The following SPATA6L variants were observed in gnomAD, a reference collection of about 807,000 sequenced individuals.
The protein encoded by SPATA6L is spermatogenesis associated 6-like protein.
SPATA6L carries 68 observed loss-of-function variants against 49.2 expected under a neutral mutation model. The ratio of observed to expected loss-of-function variants is 1.38; its 90% confidence interval spans 1.14 to 1.69. The LOEUF (loss-of-function observed/expected upper bound fraction) is 1.69, where lower values mean the gene tolerates loss of function less well. Among genes scored for constraint, SPATA6L ranks in the 40% most tolerant of loss-of-function variants. The pLI, the probability that SPATA6L is intolerant of heterozygous loss-of-function variation, is 0.00. For synonymous variants in SPATA6L, 198 were observed against 165.7 expected, an observed-to-expected ratio of 1.19 and a Z score of -1.50; for missense variants, 668 against 464.3, an observed-to-expected ratio of 1.44 and a Z score of -4.03.
intron 3 of SPATA6L, among the ~76,000 whole-genome samples, chr9:4,652,930 A>C (rs1208180139): frequency 6.6e-6 from 1 of 152,180 alleles, no homozygotes; most frequent in Non-Finnish European, 1.5e-5. Flanking sequence ...AAATATTGTT[A>C]AGGTGACAAT....
At chr9:4,648,023 T>C (rs373640502) in intron 3 of SPATA6L, among the ~76,000 whole-genome samples, 57 of 152,178 alleles carry the variant, frequency 3.7e-4, no homozygotes, top group African/African-American at 1.3e-3. Context: ...TTAGTTGAGA[T>C]GGAGTTTCGC....
At chr9:4,616,148 G>A (rs982909896) in intron 9 of SPATA6L, among the ~76,000 whole-genome samples, 11 of 152,068 alleles carry the variant, frequency 7.2e-5, no homozygotes, top group Non-Finnish European at 1.2e-4. Context: ...ATGCCGGTGC[G>A]CACCTGCAGT....
At chr9:4,596,695 G>T (rs1008810032), downstream of SPATA6L, among the ~76,000 whole-genome samples, 1 of 152,182 alleles carries the variant, frequency 6.6e-6, no homozygotes. Flanking sequence ...CTTCTGTCAA[G>T]AGACCTTAGT....
chr9:4,634,233 C>T (rs1448616150), intron 4 of SPATA6L, among the ~76,000 whole-genome samples: 1 of 152,136 alleles, frequency 6.6e-6, no homozygotes, highest in African/African-American at 2.4e-5. Flanking sequence ...TTTTTAACCC[C>T]TTTTATCTTC....
At chr9:4,628,942 T>C in intron 5 of SPATA6L, 149 bp downstream of exon 5, 1 of 623,620 alleles carries the variant, frequency 1.6e-6, no homozygotes, top group Non-Finnish European at 2.8e-6. Flanking sequence ...ACAGTTTGAA[T>C]TATAGAAATA....
At chr9:4,663,270 C>G (rs751215578) in intron 1 of SPATA6L, 10 of 1,608,390 alleles carry the variant, frequency 6.2e-6, no homozygotes, top group African/African-American at 2.7e-5. Flanking sequence ...ATGACACCAT[C>G]TCATTGATTA....
At chr9:4,654,169 T>A (rs1486746910) in intron 3 of SPATA6L, among the ~76,000 whole-genome samples, 1 of 152,200 alleles carries the variant, frequency 6.6e-6, no homozygotes, top group Non-Finnish European at 1.5e-5. Context: ...GGCCAGGATG[T>A]GGGAAAATGG....
chr9:4,657,007 G>C (rs1442590054), intron 2 of SPATA6L, among the ~76,000 whole-genome samples: 2 of 152,182 alleles, frequency 1.3e-5, no homozygotes, highest in African/African-American at 2.4e-5. Flanking sequence ...GTATCGTGAA[G>C]CACAAGAAAA....
At chr9:4,615,258 A>G (rs1475464473) in intron 9 of SPATA6L, among the ~76,000 whole-genome samples, 4 of 152,142 alleles carry the variant, frequency 2.6e-5, no homozygotes, top group East Asian at 3.8e-4. Flanking sequence ...AGCTCTTTGC[A>G]TACTTCTTTT....
Position 4,661,942 on chromosome 9 carries a change from G to C in SPATA6L, c.134C>G (p.Ser45Cys), listed in dbSNP as rs1187203821. 1.9e-6 allele frequency: 3 copies of C among 1,613,854 alleles called. No homozygotes were observed. Among genetic ancestry groups the C allele is most frequent in the Non-Finnish European group, 2.5e-6 (3 of 1,179,882 alleles). The change falls in exon 2 of 12, where the codon TCT becomes TGT. Residue 45 changes from serine to cysteine, a missense_variant. Coordinates refer to ENST00000682582, the MANE Select transcript of SPATA6L (RefSeq NM_001353486.2). Reference protein sequence around the residue: ...NQYLETNSFPSAFPIMIQESM... With the variant: ...NQYLETNSFPCAFPIMIQESM... Reference sequence around the variant, plus strand: ...CTCCTGAATCATAATGGGGAACGCAGAGGGAAAGCTGTTGGTCTCCAGGTA... The same window carrying C: ...CTCCTGAATCATAATGGGGAACGCACAGGGAAAGCTGTTGGTCTCCAGGTA...
At chr9:4,596,345 A>G (rs1822257796), downstream of SPATA6L, 1 of 152,180 alleles carries the variant, frequency 6.6e-6, no homozygotes, top group African/African-American at 2.4e-5. Flanking sequence ...TGAACAAAGG[A>G]CGTCATCCTA....
intron 2 of SPATA6L, among the ~76,000 whole-genome samples, chr9:4,656,589 C>G (rs184177320): frequency 1.6e-4 from 24 of 152,146 alleles, no homozygotes; most frequent in Non-Finnish European, 3.5e-4. Flanking sequence ...GCAGATGCAC[C>G]TTTAATAGGT....
chr9:4,628,893 G>A (rs941945428), intron 5 of SPATA6L, 198 bp downstream of exon 5: 27 of 519,938 alleles, frequency 5.2e-5, no homozygotes, highest in African/African-American at 3.9e-4. Context: ...GCTGCCAAAC[G>A]TATGTACCAA....
At position 4,661,996 on chromosome 9, in the gene SPATA6L, A is replaced by C. The variant is rs1184094320; in HGVS notation, c.80T>G (p.Val27Gly). Residue 27 changes from valine to glycine, a missense_variant, in exon 2 of 12, where the codon GTG becomes GGG. By Grantham distance (109) the Val-to-Gly change is moderately radical (BLOSUM62 -3). Transcript: ENST00000682582. ...PGVFLPGKQD[V>G]YLGVYLMNQY... The stretch of plus-strand genomic sequence containing the variant: ...ATTCATGAGGTAGACCCCGAGGTAC[A>C]CATCTTGTTTGCCAGGCAGGAACAC... 6.2e-7 allele frequency: 1 copy of C among 1,614,166 alleles called. No homozygotes were observed. Among genetic ancestry groups the C allele is most frequent in the East Asian group, 2.2e-5 (1 of 44,886 alleles).
In SPATA6L at chr9:4,629,769, G is replaced by GTGTGTATATATA. The variant is rs1311805859; in HGVS notation, c.352-602_352-601insTATATATACACA. 9.0e-4 allele frequency among the ~76,000 whole-genome samples: 92 copies of GTGTGTATATATA among 101,914 alleles called. 2 individuals are homozygous for GTGTGTATATATA. Among genetic ancestry groups the GTGTGTATATATA allele is most frequent in the Middle Eastern group, 5.5e-3 (1 of 182 alleles). The allele number at this position is 101,914 out of a possible 152,430, so 66.9% of individuals were successfully genotyped here. A position where few individuals can be genotyped will look rare whatever the true frequency, so the allele number is the denominator to read the frequency against. On this transcript the variant is annotated intron_variant, in intron 4 of 11. Transcript: ENST00000682582. ...GTGTTTTATATATGTGTGTGTGTGT[G>GTGTGTATATATA]TATATATATATATATATATATATAT...
chr9:4,592,926 TA>T (rs1289861754), intron 13 of SPATA6L, among the ~76,000 whole-genome samples: 1 of 152,204 alleles, frequency 6.6e-6, no homozygotes, highest in African/African-American at 2.4e-5. Context: ...CATACCTGAA[TA>T]AAGTGGTTTA....
intron 1 of SPATA6L, chr9:4,665,265 G>C (rs898263754): frequency 1.2e-5 from 2 of 162,990 alleles, no homozygotes; most frequent in Admixed American, 6.5e-5. Flanking sequence ...TGAATGAAGT[G>C]AGATGAAAAC....
chr9:4,656,449 G>A (rs12004351), intron 2 of SPATA6L, among the ~76,000 whole-genome samples: 37,131 of 84,562 alleles, frequency 0.44, 5,285 homozygotes, highest in East Asian at 0.51. Flanking sequence ...AGAAAGGAAG[G>A]AAGGAAGGAA....
At chr9:4,632,086 C>T (rs1041580671) in intron 4 of SPATA6L, among the ~76,000 whole-genome samples, 3 of 140,270 alleles carry the variant, frequency 2.1e-5, no homozygotes, top group African/African-American at 8.2e-5. Flanking sequence ...GTCGCCCAGG[C>T]TGGAGTGCAG....
Sources: gnomAD v4.1 joint callset for allele counts (sites outside exome capture counted in the v4.1 genomes callset) on GRCh38, gnomAD v4.1.1 for gene constraint, MANE v1.5 for transcripts, NCBI Gene and HGNC (gene_info 2026-07-23, HGNC 2026-07-21) for gene names.